Variants in AGBL1 observed in about 807,000 individuals in gnomAD.
AGBL1 encodes the protein cytosolic carboxypeptidase 4.
In AGBL1, 130 loss-of-function variants were observed where a neutral mutation model predicts 118.9. That is an observed-to-expected ratio of 1.09 (90% CI 0.95 to 1.26). The LOEUF (loss-of-function observed/expected upper bound fraction) is 1.26, where lower values mean the gene tolerates loss of function less well. AGBL1 is among the 50% of genes most tolerant of loss of function. The pLI is 0.00. For missense variants in AGBL1, 1,584 were observed against 1,298.1 expected (o/e 1.22, Z -3.38); for synonymous variants, 555 against 478.9 (o/e 1.16, Z -2.08).
rs552111302 is a variant in AGBL1, at chr15:87,028,886, C to T, written c.*46C>T. ...CAAGTATTGAAGTTCATGCCATGTG[C>T]CCAGCTCCTCCTGGATCTGTGAGGA... On this transcript the variant is annotated 3_prime_UTR_variant, in exon 25 of 25. Coordinates refer to the AGBL1 transcript ENST00000441037. 1.1e-5 allele frequency: 18 copies of T among 1,568,462 alleles called. No individual in the cohort carries two copies. The African/African-American group carries it at 1.4e-4, about 12-fold the overall frequency.
chr15:86,904,323 G>A (rs928621502), intron 22 of AGBL1, among the ~76,000 whole-genome samples: 20 of 151,628 alleles, frequency 1.3e-4, no homozygotes, highest in African/African-American at 3.6e-4. Context: ...CTCCATCCAC[G>A]TTTCAGTGTC....
intron 17 of AGBL1, among the ~76,000 whole-genome samples, chr15:86,311,593 C>G (rs73451586): frequency 8.6e-5 from 13 of 151,996 alleles, no homozygotes; most frequent in Non-Finnish European, 1.6e-4. Context: ...GGGTTTTCTC[C>G]GGGGCTTCCT....
rs2083706581 is a variant in AGBL1, at chr15:86,554,541, T to C, written c.2994+4T>C. The C allele has an allele frequency of 2.7e-6, 4 of 1,496,684 alleles. No homozygotes were observed. The East Asian group carries it at 1.0e-4, about 38-fold the overall frequency. 92.7% of individuals were successfully genotyped at this position (1,496,684 alleles called of 1,614,324 possible). A position where few individuals can be genotyped will look rare whatever the true frequency, so the allele number is the denominator to read the frequency against. On this transcript the variant is annotated splice_donor_region_variant and intron_variant, in intron 21 of 22. Transcript: ENST00000614907. ...CTGCAACCAGGGCCCTTATCAGGTATGTGAGGCTGCAGGACACCCATACTT... is the reference window on the plus strand; with the variant it reads ...CTGCAACCAGGGCCCTTATCAGGTACGTGAGGCTGCAGGACACCCATACTT...
At chr15:86,917,342 C>G (rs2080436478), downstream of AGBL1, among the ~76,000 whole-genome samples, 1 of 152,204 alleles carries the variant, frequency 6.6e-6, no homozygotes. The surrounding 1 kb of genome is among the most constrained non-coding windows in gnomAD (Gnocchi z 4.8). Flanking sequence ...GACCTTGTCT[C>G]TCAGCATTTG....
chr15:86,253,695 A>G (rs1366966827), intron 7 of AGBL1, among the ~76,000 whole-genome samples: 1 of 152,204 alleles, frequency 6.6e-6, no homozygotes, highest in African/African-American at 2.4e-5. Context: ...GACCCGATAC[A>G]GTTTATGTGT....
rs567264976 is a variant in AGBL1 at position 86,860,435 on chromosome 15, CAT to C, written c.3159-46641_3159-46640del. Reference sequence around the variant, plus strand: ...ATATATATCTCTTTATATATAATTTCATATATATATATTTATATTTATATACA... The same window carrying C: ...ATATATATCTCTTTATATATAATTTCATATATATATTTATATTTATATACA... On this transcript the variant is annotated intron_variant, in intron 22 of 22. Coordinates refer to ENST00000614907, the MANE Select transcript of AGBL1 (RefSeq NM_001386094.1). Among the ~76,000 whole-genome samples the C allele has an allele frequency of 5.3e-5, 8 of 149,834 alleles. No homozygotes were observed. The South Asian group carries it at 1.5e-3, about 27-fold the overall frequency.
chr15:86,221,819 T>C (rs1209491830), intron 5 of AGBL1, among the ~76,000 whole-genome samples: 4 of 152,160 alleles, frequency 2.6e-5, no homozygotes, highest in Admixed American at 6.5e-5. Flanking sequence ...TGTTCATGCA[T>C]TGAAGTGAAA....
intron 22 of AGBL1, among the ~76,000 whole-genome samples, chr15:86,795,195 A>C (rs1231919368): frequency 6.6e-6 from 1 of 152,144 alleles, no homozygotes; most frequent in Non-Finnish European, 1.5e-5. Context: ...CCAGATCGTC[A>C]ATTTCCATTG....
At chr15:86,121,151 A>G (rs1898073596) in intron 1 of AGBL1, among the ~76,000 whole-genome samples, 1 of 152,068 alleles carries the variant, frequency 6.6e-6, no homozygotes, top group African/African-American at 2.4e-5. Flanking sequence ...GCCCGCCTCA[A>G]TCTCCCAAAG....
chr15:86,607,018 C>G (rs2084587327), intron 21 of AGBL1, among the ~76,000 whole-genome samples: 1 of 148,934 alleles, frequency 6.7e-6, no homozygotes, highest in Admixed American at 6.7e-5. Flanking sequence ...AAAACTCTCT[C>G]CATAGTTTTG....
At chr15:86,328,260 C>T (rs1218127256) in intron 17 of AGBL1, among the ~76,000 whole-genome samples, 1 of 152,020 alleles carries the variant, frequency 6.6e-6, no homozygotes, top group African/African-American at 2.4e-5. Context: ...ATCAAAATAA[C>T]CTAACTTAAC....
intron 17 of AGBL1, among the ~76,000 whole-genome samples, chr15:86,370,954 T>A (rs2080963206): frequency 6.6e-6 from 1 of 152,220 alleles, no homozygotes; most frequent in Non-Finnish European, 1.5e-5. Context: ...CTTGGGTCTA[T>A]GGGTCTGGGG....
chr15:86,299,328 C>T (rs1246374349), intron 17 of AGBL1, among the ~76,000 whole-genome samples: 3 of 152,046 alleles, frequency 2.0e-5, no homozygotes, highest in Admixed American at 6.6e-5. Context: ...GAGAAAATGA[C>T]GGTAGCAGGG....
chr15:86,711,669 T>G (rs2086559516), intron 22 of AGBL1, among the ~76,000 whole-genome samples: 1 of 152,160 alleles, frequency 6.6e-6, no homozygotes, highest in Non-Finnish European at 1.5e-5. Context: ...TATGGCCCAC[T>G]GGTTAAGTCC....
At chr15:86,484,228 A>G (rs2082687223) in intron 18 of AGBL1, among the ~76,000 whole-genome samples, 1 of 152,110 alleles carries the variant, frequency 6.6e-6, no homozygotes, top group Non-Finnish European at 1.5e-5. Flanking sequence ...GAAGGCACAG[A>G]CTTTGGGAGA....
At chr15:86,638,150 A>G (rs1012735659) in intron 21 of AGBL1, among the ~76,000 whole-genome samples, 5 of 152,104 alleles carry the variant, frequency 3.3e-5, no homozygotes, top group Admixed American at 6.5e-5. Context: ...AAATCCTACA[A>G]TGGTGGCCAT....
chr15:86,459,144 A>C (rs577272403), intron 18 of AGBL1, among the ~76,000 whole-genome samples: 12 of 152,326 alleles, frequency 7.9e-5, no homozygotes, highest in African/African-American at 2.9e-4. Flanking sequence ...GTGTATGTGC[A>C]GTAATCACGT....
At chr15:86,272,609 C>G (rs765676347) in intron 15 of AGBL1, among the ~76,000 whole-genome samples, 2 of 152,204 alleles carry the variant, frequency 1.3e-5, no homozygotes, top group South Asian at 4.1e-4. Context: ...TGCCTCTTGG[C>G]TTTTGAGACT....
intron 23 of AGBL1, among the ~76,000 whole-genome samples, chr15:86,972,293 A>G (rs527548342): frequency 1.2e-4 from 19 of 152,058 alleles, no homozygotes; most frequent in Middle Eastern, 6.8e-3. Context: ...CAGATACAAC[A>G]TTTGGCATTC....
Sources: gnomAD v4.1 joint callset for allele counts (sites outside exome capture counted in the v4.1 genomes callset) on GRCh38, gnomAD v4.1.1 for gene constraint, Gnocchi (gnomAD v3.1) non-coding constraint, MANE v1.5 for transcripts, NCBI Gene and HGNC (gene_info 2026-07-23, HGNC 2026-07-21) for gene names.